PSMD1: variants seen among roughly 807,000 people sequenced by gnomAD.
The protein encoded by PSMD1 is proteasome 26S subunit, non-ATPase 1.
A neutral mutation model predicts 119.0 loss-of-function variants in PSMD1; 18 were observed. The ratio of observed to expected loss-of-function variants is 0.15; its 90% CI spans 0.10 to 0.22. The LOEUF is 0.22. Among genes scored for constraint, PSMD1 ranks in the 10% least tolerant of loss-of-function variants. PSMD1 has a pLI of 1.00. For synonymous variants in PSMD1, 374 were observed against 396.6 expected, an observed-to-expected ratio of 0.94 and a Z score of 0.68; for missense variants, 702 against 1,158.5, an observed-to-expected ratio of 0.61 and a Z score of 5.72.
At chr2:231,140,357 A>G (rs994088793) in intron 17 of PSMD1, among the ~76,000 whole-genome samples, 14 of 151,922 alleles carry the variant, frequency 9.2e-5, no homozygotes, top group African/African-American at 3.1e-4. Flanking sequence ...TTAGACAGGC[A>G]TGGTGGCACA....
chr2:231,067,956 C>T (rs1693947167), intron 5 of PSMD1, among the ~76,000 whole-genome samples: 1 of 152,182 alleles, frequency 6.6e-6, no homozygotes, highest in South Asian at 2.1e-4. Context: ...CACACCTGCC[C>T]TCCATTCCTT....
intron 16 of PSMD1, among the ~76,000 whole-genome samples, chr2:231,118,732 A>AT (rs1446651274): frequency 1.3e-5 from 2 of 152,246 alleles, no homozygotes; most frequent in African/African-American, 4.8e-5. Flanking sequence ...AGGTTACACT[A>AT]TTTGTCCGGA....
chr2:231,107,870 T>C lies in PSMD1; in HGVS notation c.1883+20689T>C, dbSNP rs552108592. On this transcript the variant is annotated intron_variant, in intron 16 of 24. Coordinates refer to ENST00000308696, the MANE Select transcript of PSMD1 (RefSeq NM_002807.4). ...TTCCTCCTTCTCCAATAGACCTACC[T>C]GTGCTGAGTAGAAGCTCAATATCAG... Among the ~76,000 whole-genome samples, 3 of 152,370 alleles carry C rather than the reference T, an allele frequency of 2.0e-5. No individual in the cohort carries two copies. In the East Asian group the frequency reaches 5.8e-4, roughly 29 times the overall value.
chr2:231,169,704 A>G (rs1226959589), intron 23 of PSMD1, among the ~76,000 whole-genome samples: 3 of 152,334 alleles, frequency 2.0e-5, no homozygotes, highest in South Asian at 2.1e-4. Flanking sequence ...TGCTTTTTCC[A>G]GATGTGCCCT....
Position 231,117,762 on chromosome 2 carries a change from T to C in PSMD1, c.1884-20974T>C, listed in dbSNP as rs1020454636. Among the ~76,000 whole-genome samples, 5 of 152,256 alleles carry C rather than the reference T, an allele frequency of 3.3e-5. No homozygotes were observed. The East Asian group carries it at 5.8e-4, about 18-fold the overall frequency. On this transcript the variant is annotated intron_variant, in intron 16 of 24. Coordinates refer to ENST00000308696, the MANE Select transcript of PSMD1 (RefSeq NM_002807.4). ...CCACAGAAAAGAGATCTTGCAGTCA[T>C]CTGAAGGATTTGTACAAGTATAGGT... is the stretch of plus-strand genomic sequence containing the variant.
At chr2:231,161,538 T>C (rs1696639818) in intron 20 of PSMD1, 29 bp downstream of exon 20, 11 of 1,580,558 alleles carry the variant, frequency 7.0e-6, no homozygotes, top group Non-Finnish European at 8.6e-6. Flanking sequence ...AGCTTTGTAG[T>C]ATTTCCTGTT....
At chr2:231,094,441 T>C (rs1470203105) in intron 16 of PSMD1, among the ~76,000 whole-genome samples, 4 of 152,052 alleles carry the variant, frequency 2.6e-5, no homozygotes, top group Admixed American at 6.6e-5. Context: ...ATTGCTGAAG[T>C]CAAAGAAAAA....
At chr2:231,109,435 T>C (rs754550450) in intron 16 of PSMD1, 6 of 1,597,144 alleles carry the variant, frequency 3.8e-6, no homozygotes, top group Non-Finnish European at 4.3e-6. Flanking sequence ...ACAAGATAAA[T>C]TGAGTCATTT....
At chr2:231,099,340 A>G (rs1013087929) in intron 16 of PSMD1, among the ~76,000 whole-genome samples, 1 of 152,230 alleles carries the variant, frequency 6.6e-6, no homozygotes, top group Non-Finnish European at 1.5e-5. Context: ...GACTTTTACC[A>G]TTAACATATC....
intron 16 of PSMD1, among the ~76,000 whole-genome samples, chr2:231,129,744 G>C (rs368355505): frequency 1.3e-5 from 2 of 152,296 alleles, no homozygotes; most frequent in Non-Finnish European, 2.9e-5. Context: ...GTATGTTTGG[G>C]AAAGAAAATT....
intron 16 of PSMD1, among the ~76,000 whole-genome samples, chr2:231,109,622 G>A (rs965812286): frequency 1.3e-5 from 2 of 152,312 alleles, no homozygotes; most frequent in Admixed American, 1.3e-4. Context: ...AGATTGGTTA[G>A]TAATTTCAGA....
chr2:231,123,397 A>G (rs779167580), intron 16 of PSMD1: 1 of 1,583,876 alleles, frequency 6.3e-7, no homozygotes, highest in African/African-American at 1.3e-5. Context: ...TGGCACAAAC[A>G]AAGTGAAATA....
chr2:231,095,179 C>T (rs549784479), intron 16 of PSMD1, among the ~76,000 whole-genome samples: 1 of 152,238 alleles, frequency 6.6e-6, no homozygotes, highest in African/African-American at 2.4e-5. Context: ...AGTTAAATAC[C>T]TGGGAGAGTC....
chr2:231,080,374 G>T, intron 12 of PSMD1, 60 bp downstream of exon 12: 1 of 1,358,534 alleles, frequency 7.4e-7, no homozygotes, highest in South Asian at 1.6e-5. Flanking sequence ...TAACATATTT[G>T]CCACATTATT....
chr2:231,161,144 C>T (rs1696629376), intron 19 of PSMD1, among the ~76,000 whole-genome samples, 196 bp from the exon 20 acceptor site: 1 of 151,436 alleles, frequency 6.6e-6, no homozygotes, highest in African/African-American at 2.4e-5. Context: ...GCCAGGAGGT[C>T]GAGGCTGCAG....
chr2:231,090,313 C>T (rs929662737), intron 16 of PSMD1, among the ~76,000 whole-genome samples: 16 of 152,154 alleles, frequency 1.1e-4, no homozygotes, highest in African/African-American at 3.9e-4. Context: ...GAAGCCAACG[C>T]GGCAGATCAC....
intron 16 of PSMD1, among the ~76,000 whole-genome samples, chr2:231,137,328 T>C (rs1390602336): frequency 6.6e-6 from 1 of 151,794 alleles, no homozygotes; most frequent in Non-Finnish European, 1.5e-5. Flanking sequence ...GTTGGCCATC[T>C]GGTCTCAAAC....
intron 4 of PSMD1, among the ~76,000 whole-genome samples, chr2:231,065,388 G>A (rs552648394): frequency 8.2e-4 from 125 of 151,708 alleles, no homozygotes; most frequent in Middle Eastern, 3.4e-3. Context: ...CACCTCCCGG[G>A]TTCACGCCAT....
chr2:231,085,829 GT>G (rs1380488437), intron 15 of PSMD1, among the ~76,000 whole-genome samples: 1 of 152,076 alleles, frequency 6.6e-6, no homozygotes, highest in South Asian at 2.1e-4. Context: ...GTCTTAATAG[GT>G]TTTTATCATC....
Sources: allele counts gnomAD v4.1 joint callset (sites outside exome capture counted in the v4.1 genomes callset), GRCh38; gene constraint gnomAD v4.1.1; transcripts MANE v1.5; gene names NCBI Gene and HGNC (gene_info 2026-07-23, HGNC 2026-07-21).